KLRF2: variants seen among roughly 807,000 people sequenced by gnomAD.
KLRF2 encodes killer cell lectin-like receptor subfamily F member 2.
Under a neutral mutation model 25.3 loss-of-function variants are expected in KLRF2, and 28 were observed. The ratio of observed to expected loss-of-function variants is 1.11; its 90% CI spans 0.82 to 1.52. KLRF2 has a LOEUF of 1.52. KLRF2 is among the 40% of genes most tolerant of loss of function. KLRF2 has a pLI of 0.00. For synonymous variants in KLRF2, 73 were observed against 85.0 expected (o/e 0.86, Z 0.78); for missense variants, 265 against 245.8 (o/e 1.08, Z -0.52).
chr12:9,895,141 TAAAC>T, intron 5 of KLRF2, among the ~76,000 whole-genome samples: 1 of 152,208 alleles, frequency 6.6e-6, no homozygotes, highest in Non-Finnish European at 1.5e-5. Flanking sequence ...TACTTTGACT[TAAAC>T]AAAATCTTGG....
intron 1 of KLRF2, among the ~76,000 whole-genome samples, chr12:9,882,118 C>CA (rs1180334267): frequency 6.6e-6 from 1 of 151,374 alleles, no homozygotes; most frequent in East Asian, 1.9e-4. Flanking sequence ...GAAAAAAAAA[C>CA]AAAAAAACAT....
chr12:9,888,352 T>A (rs1231358839), intron 2 of KLRF2, among the ~76,000 whole-genome samples: 2 of 151,652 alleles, frequency 1.3e-5, no homozygotes, highest in Non-Finnish European at 2.9e-5. Flanking sequence ...TAGCTGGGCA[T>A]GGTGGTGCGC....
At chr12:9,892,580 C>CT (rs66824753) in intron 3 of KLRF2, among the ~76,000 whole-genome samples, 45,980 of 104,900 alleles carry the variant, frequency 0.44, 12,228 homozygotes, top group Non-Finnish European at 0.57. Context: ...TACAGAACTG[C>CT]TTTTTTTTTT....
chr12:9,888,782 T>A lies in KLRF2; in HGVS notation c.217+2T>A. 1 of 1,494,428 alleles carries A rather than the reference T, an allele frequency of 6.7e-7. No individual in the cohort carries two copies. Among genetic ancestry groups the A allele is most frequent in the East Asian group, 2.5e-5 (1 of 40,714 alleles). 92.6% of individuals were successfully genotyped at this position (1,494,428 alleles called of 1,614,324 possible). ...ATGTAAACGTCAGCAGTCTATCAGG[T>A]AATACTCTTTTTGTTTGTTATGTGC... is the stretch of plus-strand genomic sequence containing the variant. On this transcript the variant is annotated splice_donor_variant, in intron 3 of 5. Transcript: ENST00000535540. LOFTEE classifies it high-confidence loss of function.
chr12:9,889,364 T>G (rs1311149290), intron 3 of KLRF2, among the ~76,000 whole-genome samples: 1 of 152,162 alleles, frequency 6.6e-6, no homozygotes, highest in Non-Finnish European at 1.5e-5. Flanking sequence ...GGGAAGATAT[T>G]TTTTAGATGA....
chr12:9,893,599 A>G, intron 5 of KLRF2, 58 bp downstream of exon 5: 1 of 600,856 alleles, frequency 1.7e-6, no homozygotes. Flanking sequence ...TTTTATATTA[A>G]ACTTCTTCAC....
intron 5 of KLRF2, among the ~76,000 whole-genome samples, chr12:9,894,300 G>T (rs1862728789): frequency 6.6e-6 from 1 of 151,600 alleles, no homozygotes; most frequent in African/African-American, 2.4e-5. Flanking sequence ...TCCCACTTCA[G>T]CCTCAGAGTA....
intron 2 of KLRF2, among the ~76,000 whole-genome samples, chr12:9,886,328 A>G (rs1282458009): frequency 2.6e-5 from 4 of 152,198 alleles, no homozygotes; most frequent in African/African-American, 9.6e-5. Context: ...TCTCCCAATA[A>G]TCTATCCATA....
Position 9,893,121 on chromosome 12 carries a change from A to G in KLRF2, c.319A>G (p.Thr107Ala). Residue 107 changes from threonine (T) to alanine (A), a missense_variant, in exon 4 of 6, where the codon ACA (threonine) becomes GCA (alanine). Transcript: ENST00000535540. ...GTGGAAAGAGAGTCAACGTGATTGTACACAGCTACAGGCACATTTACTGGT... is the reference window on the plus strand; with the variant it reads ...GTGGAAAGAGAGTCAACGTGATTGTGCACAGCTACAGGCACATTTACTGGT... ...KTWKESQRDCTQLQAHLLVIQ... is the reference protein window; with the variant it reads ...KTWKESQRDCAQLQAHLLVIQ... 6.5e-7 allele frequency: 1 copy of G among 1,535,828 alleles called. No individual in the cohort carries two copies. Among genetic ancestry groups the G allele is most frequent in the Admixed American group, 2.0e-5 (1 of 50,996 alleles).
At chr12:9,892,579 G>T (rs994700362) in intron 3 of KLRF2, among the ~76,000 whole-genome samples, 4 of 117,120 alleles carry the variant, frequency 3.4e-5, no homozygotes, top group Admixed American at 1.9e-4. Flanking sequence ...TTACAGAACT[G>T]CTTTTTTTTT....
At chr12:9,892,986 A>C in intron 3 of KLRF2, 34 bp from the exon 4 acceptor site, 3 of 1,491,556 alleles carry the variant, frequency 2.0e-6, no homozygotes, top group Admixed American at 2.0e-5. Flanking sequence ...TTGGCTGTAA[A>C]GTTTAATTAA....
Position 9,893,040 on chromosome 12 carries a change from A to G in KLRF2, c.238A>G (p.Asn80Asp), listed in dbSNP as rs1862699243. ...TTTAGGACACAATTACTTGTGCCCA[A>G]ATGACTGGCTGTTGAACGAAGGGAA... ...SLSGHNYLCP[N>D]DWLLNEGKCY... The change falls in exon 4 of 6, where the codon AAT (asparagine) becomes GAT (aspartate). Residue 80 changes from asparagine (N) to aspartate (D), a missense_variant. Asn to Asp is a conservative substitution (Grantham distance 23). Transcript: ENST00000535540. 7 of 1,535,664 alleles carry G rather than the reference A, an allele frequency of 4.6e-6. No individual in the cohort carries two copies. The highest frequency in any genetic ancestry group is 2.4e-5 in the East Asian group (1 of 40,900).
rs1385719194 is a variant in KLRF2 at position 9,893,125 on chromosome 12, A to G, written c.323A>G (p.Gln108Arg). The G allele has an allele frequency of 6.5e-7, 1 of 1,535,396 alleles. No homozygotes were observed. The highest frequency in any genetic ancestry group is 1.2e-5 in the South Asian group (1 of 83,940). Residue 108 changes from glutamine to arginine, a missense_variant, in exon 4 of 6, where the codon CAG (glutamine) becomes CGG (arginine). Transcript: ENST00000535540. ...AAAGAGAGTCAACGTGATTGTACAC[A>G]GCTACAGGCACATTTACTGGTGATT... ...TWKESQRDCTQLQAHLLVIQN... is the reference protein window; with the variant it reads ...TWKESQRDCTRLQAHLLVIQN...
intron 4 of KLRF2, 35 bp downstream of exon 4, chr12:9,893,203 GA>G: frequency 1.3e-6 from 2 of 1,510,862 alleles, no homozygotes; most frequent in Non-Finnish European, 8.8e-7. Flanking sequence ...ACTGCACAAG[GA>G]AAAATGGCTT....
chr12:9,884,568 A>G (rs1244270936), intron 1 of KLRF2, among the ~76,000 whole-genome samples: 1 of 149,032 alleles, frequency 6.7e-6, no homozygotes, highest in Admixed American at 6.7e-5. Context: ...ATTTACATGT[A>G]TAGAATAATA....
At chr12:9,886,574 G>A (rs1862599846) in intron 2 of KLRF2, among the ~76,000 whole-genome samples, 1 of 151,880 alleles carries the variant, frequency 6.6e-6, no homozygotes, top group African/African-American at 2.4e-5. Flanking sequence ...GGTAAATGGA[G>A]GTCTAAAACA....
chr12:9,885,899 C>T (rs1862591225), intron 2 of KLRF2, among the ~76,000 whole-genome samples: 1 of 151,942 alleles, frequency 6.6e-6, no homozygotes, highest in Admixed American at 6.6e-5. Context: ...TTCTGTTAAC[C>T]AGTAATTCTA....
At chr12:9,894,126 T>C (rs12304748) in intron 5 of KLRF2, among the ~76,000 whole-genome samples, 29 of 130,276 alleles carry the variant, frequency 2.2e-4, no homozygotes, top group South Asian at 1.9e-3. Context: ...TTTCTTTTCT[T>C]TCTCTCTCTC....
chr12:9,887,883 C>A (rs1862616704), intron 2 of KLRF2, among the ~76,000 whole-genome samples: 1 of 150,862 alleles, frequency 6.6e-6, no homozygotes, highest in African/African-American at 2.4e-5. Flanking sequence ...GAAACCCCGT[C>A]CCTAATAAAA....
Sources: allele counts gnomAD v4.1 joint callset (sites outside exome capture counted in the v4.1 genomes callset), GRCh38; gene constraint gnomAD v4.1.1; transcripts MANE v1.5; gene names NCBI Gene and HGNC (gene_info 2026-07-23, HGNC 2026-07-21).